Variants in FAM167A observed in about 807,000 individuals in gnomAD.
The protein encoded by FAM167A is family with sequence similarity 167 member A.
In FAM167A, 23 loss-of-function variants were observed where a neutral mutation model predicts 14.9. The ratio of observed to expected loss-of-function variants is 1.55; its 90% CI spans 1.11 to 2.19. FAM167A has a LOEUF of 2.19. FAM167A is among the 30% of genes most tolerant of loss of function. FAM167A has a pLI of 0.00. For synonymous variants in FAM167A, 174 were observed against 117.7 expected (o/e 1.48, Z -3.10); for missense variants, 401 against 281.5 (o/e 1.42, Z -3.04).
Position 11,421,871 on chromosome 8 carries a change from T to G in FAM167A, c.*2502A>C, listed in dbSNP as rs1384341882. On this transcript the variant is annotated 3_prime_UTR_variant, in exon 3 of 3. Transcript: ENST00000284486. ...AGGTTAGGCCAATGTTGCTGCTGACTCATAGACCCACAGAGAGCAGGGACT... is the reference window on the plus strand; with the variant it reads ...AGGTTAGGCCAATGTTGCTGCTGACGCATAGACCCACAGAGAGCAGGGACT... 3 of 394,054 alleles carry G rather than the reference T, an allele frequency of 7.6e-6. No homozygotes were observed. Among genetic ancestry groups the G allele is most frequent in the Non-Finnish European group, 1.3e-5 (3 of 222,814 alleles). The allele number at this position is 394,054 out of a possible 1,614,324, so 24.4% of individuals were successfully genotyped here. A position where few individuals can be genotyped will look rare whatever the true frequency, so the allele number is the denominator to read the frequency against.
chr8:11,446,194 T>A lies in FAM167A; in HGVS notation c.-397-1386A>T, dbSNP rs563119560. On this transcript the variant is annotated intron_variant, in intron 1 of 2. Transcript: ENST00000284486. ...GGTGTCCTGGGATTCCTCTCCGACA[T>A]GGCACGCAGACGCTTAAGAAAGGAG... 4.6e-5 allele frequency among the ~76,000 whole-genome samples: 7 copies of A among 152,244 alleles called. 1 individual carries two copies. Among genetic ancestry groups the A allele is most frequent in the African/African-American group, 1.7e-4 (7 of 41,542 alleles).
chr8:11,431,993 C>T (rs1329351336), intron 2 of FAM167A, among the ~76,000 whole-genome samples: 1 of 151,034 alleles, frequency 6.6e-6, no homozygotes, highest in Non-Finnish European at 1.5e-5. Context: ...TTCATGCTGT[C>T]CCTGGCAAAG....
At chr8:11,438,279 G>C (rs1007362335) in intron 2 of FAM167A, 2 of 401,886 alleles carry the variant, frequency 5.0e-6, no homozygotes, top group African/African-American at 2.1e-5. Context: ...AGGAAAGGGA[G>C]AGCAGGCAGG....
chr8:11,447,033 C>T (rs1318542513), intron 1 of FAM167A, among the ~76,000 whole-genome samples: 1 of 151,522 alleles, frequency 6.6e-6, no homozygotes, highest in Non-Finnish European at 1.5e-5. Context: ...TGGTGGCCCA[C>T]CCCCTCCCCC....
intron 1 of FAM167A, chr8:11,445,261 A>T (rs1399490961): frequency 1.6e-5 from 16 of 985,374 alleles, no homozygotes; most frequent in Admixed American, 1.2e-4. Context: ...GCCAGCAGGG[A>T]AACCGCACCC....
At chr8:11,463,462 C>G (rs576632929) in intron 1 of FAM167A, among the ~76,000 whole-genome samples, 13 of 152,222 alleles carry the variant, frequency 8.5e-5, no homozygotes, top group Non-Finnish European at 1.6e-4. Context: ...CTAGGGGCTG[C>G]TGTGCCCAGC....
intron 1 of FAM167A, among the ~76,000 whole-genome samples, chr8:11,460,682 G>A (rs1291975147): frequency 6.6e-6 from 1 of 152,098 alleles, no homozygotes; most frequent in Non-Finnish European, 1.5e-5. Flanking sequence ...CAATGACCTG[G>A]GCTAGGGAGG....
intron 1 of FAM167A, among the ~76,000 whole-genome samples, chr8:11,473,191 C>T (rs542685545): frequency 1.3e-5 from 2 of 152,304 alleles, no homozygotes; most frequent in East Asian, 1.9e-4. Flanking sequence ...GATGCAGGAG[C>T]GAGGACACAG....
chr8:11,470,250 C>G (rs1449261552), upstream of FAM167A, among the ~76,000 whole-genome samples: 6 of 151,546 alleles, frequency 4.0e-5, no homozygotes, highest in African/African-American at 1.2e-4. Context: ...GCTGGCCTCG[C>G]TAATAAGGTG....
At chr8:11,439,324 T>C (rs1276191476) in intron 2 of FAM167A, among the ~76,000 whole-genome samples, 1 of 152,210 alleles carries the variant, frequency 6.6e-6, no homozygotes. Flanking sequence ...AAGACACTGG[T>C]GAGTATGACC....
chr8:11,443,972 GAC>G (rs1163182721), intron 2 of FAM167A, 57 bp downstream of exon 2: 38 of 1,550,968 alleles, frequency 2.5e-5, no homozygotes, highest in East Asian at 9.0e-5. Flanking sequence ...GACAGAAAAA[GAC>G]ACAGAGAGAC....
At chr8:11,455,505 T>G (rs1376860831) in intron 1 of FAM167A, among the ~76,000 whole-genome samples, 29 of 134,482 alleles carry the variant, frequency 2.2e-4, no homozygotes, top group Admixed American at 1.3e-3. Flanking sequence ...GGTGTGTGAG[T>G]GTGAGTGTGT....
chr8:11,456,506 T>A (rs1197517907), intron 1 of FAM167A, among the ~76,000 whole-genome samples: 8 of 123,010 alleles, frequency 6.5e-5, no homozygotes, highest in African/African-American at 2.5e-4. Flanking sequence ...GGTGTGTGAG[T>A]GTGAGTGTGG....
intron 2 of FAM167A, among the ~76,000 whole-genome samples, chr8:11,439,887 C>T (rs929278629): frequency 9.9e-5 from 15 of 152,170 alleles, no homozygotes; most frequent in African/African-American, 2.9e-4. Flanking sequence ...GTGCCCAGGG[C>T]CCCATCCCAG....
rs1384321624 is a variant in FAM167A, at chr8:11,422,493, GCT to G, written c.*1878_*1879del. The G allele has an allele frequency of 6.6e-6, 1 of 152,492 alleles. No homozygotes were observed. Among genetic ancestry groups the G allele is most frequent in the African/African-American group, 2.4e-5 (1 of 41,356 alleles). 9.4% of individuals were successfully genotyped at this position (152,492 alleles called of 1,614,324 possible). On this transcript the variant is annotated 3_prime_UTR_variant, in exon 3 of 3. Coordinates refer to ENST00000284486, the MANE Select transcript of FAM167A (RefSeq NM_053279.3). ...CAGGACTTGGCAGTGTTTGTGCAGA[GCT>G]CTGAGGAAGGACAGCAGTACATGGT...
At chr8:11,441,336 G>A (rs1162076557) in intron 2 of FAM167A, among the ~76,000 whole-genome samples, 1 of 152,194 alleles carries the variant, frequency 6.6e-6, no homozygotes, top group Non-Finnish European at 1.5e-5. Flanking sequence ...GATACCCTAA[G>A]TGTGGCCCAG....
At chr8:11,425,255 C>A (rs1476848951) in intron 2 of FAM167A, among the ~76,000 whole-genome samples, 4 of 152,178 alleles carry the variant, frequency 2.6e-5, no homozygotes, top group Non-Finnish European at 5.9e-5. Flanking sequence ...AGTTAACCGT[C>A]ACTACAACCT....
upstream of FAM167A, among the ~76,000 whole-genome samples, chr8:11,472,302 G>T (rs1807984761): frequency 1.3e-5 from 2 of 152,124 alleles, no homozygotes; most frequent in Admixed American, 1.3e-4. Flanking sequence ...TTTATCTTGT[G>T]AACACTTGTA....
rs567673420 is a variant in FAM167A, at chr8:11,435,582, C to T, written c.381+8449G>A. On this transcript the variant is annotated intron_variant, in intron 2 of 2. Transcript: ENST00000284486. ...ACAGTCCTGGAGACCTCACTCCTCC[C>T]TCTGCTACCCGGGCTGACCGCCACC... Among the ~76,000 whole-genome samples, 35 of 152,286 alleles carry T rather than the reference C, an allele frequency of 2.3e-4. No homozygotes were observed. The East Asian group carries it at 6.6e-3, about 29-fold the overall frequency.
Sources: gnomAD v4.1 joint callset for allele counts (sites outside exome capture counted in the v4.1 genomes callset) on GRCh38, gnomAD v4.1.1 for gene constraint, MANE v1.5 for transcripts, NCBI Gene and HGNC (gene_info 2026-07-23, HGNC 2026-07-21) for gene names.